Variants in SPATS2L observed in about 807,000 individuals in gnomAD.
SPATS2L encodes the protein spermatogenesis associated serine rich 2 like, also known as SPATS2-like protein.
A neutral mutation model predicts 59.6 loss-of-function variants in SPATS2L; 30 were observed. That is an observed-to-expected ratio of 0.50 (90% confidence interval 0.38 to 0.68). The LOEUF is 0.68. Ranked by LOEUF, SPATS2L falls within the 30% of genes least tolerant of loss-of-function variation. SPATS2L has a pLI of 0.00. For missense variants in SPATS2L, 615 were observed against 700.0 expected (o/e 0.88, Z 1.37); for synonymous variants, 252 against 263.5 (o/e 0.96, Z 0.42).
intron 2 of SPATS2L, among the ~76,000 whole-genome samples, chr2:200,345,955 T>C (rs867398337): frequency 6.6e-6 from 1 of 152,082 alleles, no homozygotes; most frequent in African/African-American, 2.4e-5. Flanking sequence ...GAAAATAAAA[T>C]TCCCACCAGC....
At chr2:200,450,937 A>C (rs1195176674) in intron 8 of SPATS2L, among the ~76,000 whole-genome samples, 2 of 152,152 alleles carry the variant, frequency 1.3e-5, no homozygotes, top group African/African-American at 4.8e-5. Flanking sequence ...CCAGATGGAG[A>C]AGGAAGAAAG....
intron 1 of SPATS2L, among the ~76,000 whole-genome samples, chr2:200,307,621 G>C (rs939823974): frequency 2.0e-5 from 3 of 152,238 alleles, no homozygotes; most frequent in Non-Finnish European, 4.4e-5. Flanking sequence ...CGGGAGACGG[G>C]GTTGTCGTAG....
At chr2:200,474,916 G>A (rs367935010) in intron 12 of SPATS2L, among the ~76,000 whole-genome samples, 1 of 149,828 alleles carries the variant, frequency 6.7e-6, no homozygotes, top group African/African-American at 2.5e-5. Flanking sequence ...AGAGACCAAG[G>A]AGACAGGGCC....
chr2:200,475,513 T>A (rs2087447362), intron 12 of SPATS2L, among the ~76,000 whole-genome samples: 1 of 152,236 alleles, frequency 6.6e-6, no homozygotes, highest in African/African-American at 2.4e-5. Context: ...GATGGTTGTA[T>A]TCTTTTGAGT....
intron 8 of SPATS2L, among the ~76,000 whole-genome samples, chr2:200,458,795 C>A (rs978984368): frequency 4.6e-5 from 7 of 151,800 alleles, no homozygotes; most frequent in Admixed American, 3.9e-4. Flanking sequence ...ATATCTGATA[C>A]CATTAAATTA....
chr2:200,388,722 G>C (rs1414759386), intron 2 of SPATS2L, among the ~76,000 whole-genome samples: 1 of 151,192 alleles, frequency 6.6e-6, no homozygotes, highest in Non-Finnish European at 1.5e-5. Flanking sequence ...AAGAAGTTGT[G>C]GGGTGGATTC....
intron 1 of SPATS2L, among the ~76,000 whole-genome samples, chr2:200,326,183 C>T (rs978769467): frequency 1.3e-5 from 2 of 152,150 alleles, no homozygotes; most frequent in Non-Finnish European, 2.9e-5. Flanking sequence ...GCAATCATAG[C>T]ACATAATAGC....
chr2:200,447,331 A>G (rs1365054277), intron 8 of SPATS2L, among the ~76,000 whole-genome samples: 1 of 152,230 alleles, frequency 6.6e-6, no homozygotes, highest in African/African-American at 2.4e-5. Context: ...CAGGTATGCC[A>G]GCCATTATGC....
chr2:200,417,748 A>G (rs2083124537), intron 5 of SPATS2L, among the ~76,000 whole-genome samples: 1 of 152,232 alleles, frequency 6.6e-6, no homozygotes, highest in Admixed American at 6.5e-5. Context: ...GTGGTTCCAA[A>G]GGAAAAAAGC....
At chr2:200,344,680 C>T (rs2080452030) in intron 2 of SPATS2L, among the ~76,000 whole-genome samples, 1 of 152,240 alleles carries the variant, frequency 6.6e-6, no homozygotes, top group South Asian at 2.1e-4. Flanking sequence ...AATTTACACT[C>T]CCACCAACAG....
At chr2:200,361,830 G>T (rs1438126548) in intron 2 of SPATS2L, among the ~76,000 whole-genome samples, 1 of 152,166 alleles carries the variant, frequency 6.6e-6, no homozygotes, top group Non-Finnish European at 1.5e-5. Flanking sequence ...CAGCTTAAAA[G>T]AAAAACTATA....
chr2:200,329,438 C>T lies in SPATS2L; in HGVS notation c.-65C>T, dbSNP rs1308831032. ...AATTTCCATTTTTCCTAGAGCTCTT[C>T]AGAAACCAGGCTGCTTTCAGGAACA... On this transcript the variant is annotated 5_prime_UTR_variant, in exon 2 of 13. Coordinates refer to ENST00000409140, the MANE Select transcript of SPATS2L (RefSeq NM_001100423.2). 6.4e-7 allele frequency: 1 copy of T among 1,550,536 alleles called. No individual in the cohort carries two copies. Among genetic ancestry groups the T allele is most frequent in the South Asian group, 1.2e-5 (1 of 84,058 alleles).
chr2:200,380,427 G>A (rs1348127119), intron 2 of SPATS2L, among the ~76,000 whole-genome samples: 1 of 152,162 alleles, frequency 6.6e-6, no homozygotes, highest in Admixed American at 6.5e-5. Flanking sequence ...CTCAGCACTC[G>A]GGGCTGTTGA....
chr2:200,352,900 C>T (rs926912149), intron 2 of SPATS2L, among the ~76,000 whole-genome samples: 2 of 152,208 alleles, frequency 1.3e-5, no homozygotes, highest in African/African-American at 4.8e-5. Flanking sequence ...CACATTGACA[C>T]ACATGCACAG....
chr2:200,425,898 C>T (rs937622729), intron 6 of SPATS2L, among the ~76,000 whole-genome samples: 1 of 151,998 alleles, frequency 6.6e-6, no homozygotes, highest in African/African-American at 2.4e-5. Flanking sequence ...TGCGTGTATG[C>T]AGCAATTCCA....
At chr2:200,351,220 G>T (rs1290775850) in intron 2 of SPATS2L, 4 of 470,964 alleles carry the variant, frequency 8.5e-6, no homozygotes, top group Non-Finnish European at 1.8e-5. Context: ...TGCTGGGAGG[G>T]AGTGCCAAAC....
At chr2:200,309,066 G>A in intron 1 of SPATS2L, 1 of 717,992 alleles carries the variant, frequency 1.4e-6, no homozygotes, top group Middle Eastern at 2.3e-4. Flanking sequence ...CCAGTCTGAA[G>A]CATTTTATGG....
intron 12 of SPATS2L, among the ~76,000 whole-genome samples, chr2:200,477,418 C>T (rs1002213214): frequency 6.7e-6 from 1 of 149,576 alleles, no homozygotes; most frequent in African/African-American, 2.5e-5. Context: ...ATATCATTTT[C>T]TTCCAGTTCC....
intron 4 of SPATS2L, among the ~76,000 whole-genome samples, chr2:200,413,180 A>G (rs2082943157): frequency 6.6e-6 from 1 of 152,210 alleles, no homozygotes; most frequent in Non-Finnish European, 1.5e-5. Context: ...ACTTGGCTTT[A>G]TGACTGGAAT....
Sources: gnomAD v4.1 joint callset for allele counts (sites outside exome capture counted in the v4.1 genomes callset) on GRCh38, gnomAD v4.1.1 for gene constraint, MANE v1.5 for transcripts, NCBI Gene and HGNC (gene_info 2026-07-23, HGNC 2026-07-21) for gene names.